Variants in PRIM2 observed in about 807,000 individuals in gnomAD.
PRIM2 encodes DNA primase subunit 2.
A neutral mutation model predicts 67.3 loss-of-function variants in PRIM2; 39 were observed. The ratio of observed to expected loss-of-function variants is 0.58; its 90% CI spans 0.45 to 0.76. The LOEUF is 0.76. Among genes scored for constraint, PRIM2 ranks in the 30% least tolerant of loss-of-function variants. The probability of loss-of-function intolerance (pLI) is 0.00; values close to 1 mark genes in which losing one functional copy is unlikely to be tolerated. For missense variants in PRIM2, 398 were observed against 598.7 expected (o/e 0.66, Z 3.50); for synonymous variants, 143 against 198.7 (o/e 0.72, Z 2.36).
At chr6:57,493,092 T>C (rs1431890834) in intron 7 of PRIM2, among the ~76,000 whole-genome samples, 26 of 152,220 alleles carry the variant, frequency 1.7e-4, no homozygotes, top group Middle Eastern at 3.2e-3. Context: ...CCTGGATGCT[T>C]AACAGGCAGT....
At chr6:57,444,020 C>G (rs1772284831) in intron 7 of PRIM2, among the ~76,000 whole-genome samples, 1 of 152,142 alleles carries the variant, frequency 6.6e-6, no homozygotes, top group Non-Finnish European at 1.5e-5. Flanking sequence ...GTTGAATAGA[C>G]CGTCCTTTTC....
At chr6:57,368,707 A>T (rs1428727392) in intron 5 of PRIM2, among the ~76,000 whole-genome samples, 1 of 152,228 alleles carries the variant, frequency 6.6e-6, no homozygotes, top group African/African-American at 2.4e-5. Context: ...ATTTATAAAT[A>T]AATATACATA....
In PRIM2 at chr6:57,506,237, G is replaced by A. The variant is rs1554347224; in HGVS notation, c.694-1150G>A. ...GTATTTTAAATTAGTAACTGTCGAC[G>A]TGTTGACTCTTGTACAAAATTGGGA... is the stretch of plus-strand genomic sequence containing the variant. On this transcript the variant is annotated intron_variant, in intron 7 of 13. Transcript: ENST00000615550. 8.6e-4 allele frequency among the ~76,000 whole-genome samples: 130 copies of A among 151,898 alleles called. 1 individual carries two copies. The highest frequency in any genetic ancestry group is 2.7e-3 in the African/African-American group (112 of 41,398).
chr6:57,264,947 G>C, the PRIM2 span, among the ~76,000 whole-genome samples: 1 of 152,132 alleles, frequency 6.6e-6, no homozygotes, highest in African/African-American at 2.4e-5. Flanking sequence ...GGGTGGAGGA[G>C]AGAAAACTGG....
At chr6:57,400,844 A>T (rs1770682804) in intron 7 of PRIM2, among the ~76,000 whole-genome samples, 1 of 152,154 alleles carries the variant, frequency 6.6e-6, no homozygotes, top group Admixed American at 6.5e-5. Flanking sequence ...TGACTGTCTT[A>T]TTTCAGAGAG....
Position 57,563,853 on chromosome 6 carries a change from G to T in PRIM2, c.1020+26228G>T, listed in dbSNP as rs1314741802. 4.2e-3 allele frequency among the ~76,000 whole-genome samples: 641 copies of T among 152,262 alleles called. 2 individuals carry two copies. Among genetic ancestry groups the T allele is most frequent in the African/African-American group, 0.014 (601 of 41,544 alleles). On this transcript the variant is annotated intron_variant, in intron 10 of 13. Transcript: ENST00000615550. ...TTTTTGTATTTTTAGTAGAGACAGG[G>T]TTTTGCCATATTGGTCAAGCTGTTC... is the stretch of plus-strand genomic sequence containing the variant.
At chr6:57,536,973 G>A (rs1298918456) in intron 9 of PRIM2, among the ~76,000 whole-genome samples, 3 of 152,158 alleles carry the variant, frequency 2.0e-5, no homozygotes, top group Non-Finnish European at 4.4e-5. Context: ...TAATACGGAA[G>A]TAAGTGCATG....
the PRIM2 span, among the ~76,000 whole-genome samples, chr6:57,263,095 A>T: frequency 6.6e-6 from 1 of 152,332 alleles, no homozygotes; most frequent in African/African-American, 2.4e-5. Flanking sequence ...GTTGATGAAT[A>T]CTATTATCAC....
intron 7 of PRIM2, among the ~76,000 whole-genome samples, chr6:57,458,690 A>AAGAC (rs1378739949): frequency 2.6e-5 from 4 of 152,154 alleles, no homozygotes; most frequent in Admixed American, 6.5e-5. Context: ...TGTCTCAAAA[A>AAGAC]AGACAAACAA....
the PRIM2 span, among the ~76,000 whole-genome samples, chr6:57,308,244 C>A: frequency 6.6e-6 from 1 of 151,860 alleles, no homozygotes; most frequent in Non-Finnish European, 1.5e-5. Context: ...CACCTCAGCC[C>A]CCAGAGTAGC....
intron 10 of PRIM2, among the ~76,000 whole-genome samples, chr6:57,551,881 G>A (rs1246724568): frequency 6.6e-6 from 1 of 152,142 alleles, no homozygotes; most frequent in Non-Finnish European, 1.5e-5. Context: ...TTGCCACAAC[G>A]TAAGTTTTAT....
At chr6:57,561,620 G>A (rs1207769000) in intron 10 of PRIM2, among the ~76,000 whole-genome samples, 4 of 152,150 alleles carry the variant, frequency 2.6e-5, no homozygotes, top group African/African-American at 9.7e-5. Context: ...TCTGGATTAG[G>A]CTTTCACTTA....
the PRIM2 span, among the ~76,000 whole-genome samples, chr6:57,284,184 T>G: frequency 2.0e-4 from 31 of 152,198 alleles, no homozygotes; most frequent in Admixed American, 1.5e-3. Context: ...GTTGAGTCTC[T>G]ACTTGGGAGA....
chr6:57,545,923 G>A (rs1257846803), intron 10 of PRIM2, among the ~76,000 whole-genome samples: 1 of 152,182 alleles, frequency 6.6e-6, no homozygotes, highest in Non-Finnish European at 1.5e-5. Flanking sequence ...GGCAAGAGGG[G>A]AGTCTGGAGA....
intron 5 of PRIM2, among the ~76,000 whole-genome samples, chr6:57,377,043 A>AC (rs1293063010): frequency 7.3e-6 from 1 of 136,650 alleles, no homozygotes; most frequent in Admixed American, 7.3e-5. Flanking sequence ...TGCCCAGCTA[A>AC]TTTTTTTTTT....
chr6:57,328,568 C>T (rs4715655), intron 5 of PRIM2, among the ~76,000 whole-genome samples: 96,197 of 152,086 alleles, frequency 0.63, 30,866 homozygotes, highest in African/African-American at 0.75. Flanking sequence ...GTTCAGCATT[C>T]GAGGGACATT....
intron 7 of PRIM2, among the ~76,000 whole-genome samples, chr6:57,497,921 A>G (rs1774041806): frequency 6.6e-6 from 1 of 152,186 alleles, no homozygotes. Flanking sequence ...GCAAGGGGAA[A>G]TGTAATGTGG....
At chr6:57,416,941 T>C (rs12197119) in intron 7 of PRIM2, among the ~76,000 whole-genome samples, 4 of 151,632 alleles carry the variant, frequency 2.6e-5, no homozygotes, top group African/African-American at 9.7e-5. Flanking sequence ...ATTGGTAATA[T>C]GGCTGCTTCA....
At chr6:57,267,050 A>G in the PRIM2 span, among the ~76,000 whole-genome samples, 2 of 152,228 alleles carry the variant, frequency 1.3e-5, no homozygotes, top group Non-Finnish European at 2.9e-5. Flanking sequence ...TAGGTATGAA[A>G]GACAAATGTC....
Sources: allele counts gnomAD v4.1 joint callset (sites outside exome capture counted in the v4.1 genomes callset), GRCh38; gene constraint gnomAD v4.1.1; transcripts MANE v1.5; gene names NCBI Gene and HGNC (gene_info 2026-07-23, HGNC 2026-07-21).